Variants in ERI3 observed in about 807,000 individuals in gnomAD.
ERI3 encodes the protein ERI1 exoribonuclease 3.
Under a neutral mutation model 44.4 loss-of-function variants are expected in ERI3, and 18 were observed. The ratio of observed to expected loss-of-function variants is 0.41; its 90% CI spans 0.28 to 0.60. ERI3 has a LOEUF of 0.60. ERI3 is among the 20% of genes least tolerant of loss of function. ERI3 has a pLI of 0.36. For synonymous variants in ERI3, 183 were observed against 164.8 expected, an observed-to-expected ratio of 1.11 and a Z score of -0.84; for missense variants, 294 against 435.5, an observed-to-expected ratio of 0.68 and a Z score of 2.89.
intron 3 of ERI3, among the ~76,000 whole-genome samples, chr1:44,338,718 T>C (rs1033753960): frequency 6.6e-6 from 1 of 152,042 alleles, no homozygotes; most frequent in Non-Finnish European, 1.5e-5. Flanking sequence ...CCAGCTACTA[T>C]AGCACTCCTT....
intron 6 of ERI3, among the ~76,000 whole-genome samples, chr1:44,300,086 A>AT (rs986149030): frequency 6.6e-6 from 1 of 152,184 alleles, no homozygotes; most frequent in Non-Finnish European, 1.5e-5. Context: ...GGAGAGCCTC[A>AT]TATCAAATCC....
At position 44,221,427 on chromosome 1, in the gene ERI3, C is replaced by A; in HGVS notation, c.*131G>T. On this transcript the variant is annotated 3_prime_UTR_variant, in exon 9 of 9. Transcript: ENST00000372257. This position sits in a 1 kb window ranked among gnomAD's most constrained non-coding sequence, Gnocchi z 5.9. ...ACAAGCCCACGCCAAGGGCATGAGC[C>A]CACAGGGCAGCTGGGGACACTCTGG... 2.6e-6 allele frequency: 2 copies of A among 763,918 alleles called. No homozygotes were observed. Among genetic ancestry groups the A allele is most frequent in the South Asian group, 3.5e-5 (2 of 57,468 alleles). 47.3% of individuals were successfully genotyped at this position (763,918 alleles called of 1,614,324 possible). A position where few individuals can be genotyped will look rare whatever the true frequency, so the allele number is the denominator to read the frequency against.
intron 6 of ERI3, among the ~76,000 whole-genome samples, chr1:44,307,236 T>C (rs1250912208): frequency 2.0e-5 from 3 of 152,074 alleles, no homozygotes; most frequent in Admixed American, 6.5e-5. Context: ...TGGGGTCCAA[T>C]AGCAGGCTTG....
chr1:44,330,601 C>T (rs573266822), intron 3 of ERI3, among the ~76,000 whole-genome samples: 1 of 152,230 alleles, frequency 6.6e-6, no homozygotes, highest in Non-Finnish European at 1.5e-5. Flanking sequence ...TCTGCCTGTG[C>T]CAGCCTGTTC....
At chr1:44,223,730 G>A (rs1643962300) in intron 8 of ERI3, among the ~76,000 whole-genome samples, 1 of 152,164 alleles carries the variant, frequency 6.6e-6, no homozygotes, top group South Asian at 2.1e-4. Context: ...CAGCCATCCA[G>A]TGGGCAAGCA....
intron 7 of ERI3, among the ~76,000 whole-genome samples, chr1:44,250,632 C>G (rs1247822450): frequency 6.6e-6 from 1 of 152,164 alleles, no homozygotes; most frequent in Non-Finnish European, 1.5e-5. Context: ...GGCGTCTCCA[C>G]TGCGGCCGTG....
At chr1:44,323,042 T>C in intron 3 of ERI3, 1 of 877,492 alleles carries the variant, frequency 1.1e-6, no homozygotes, top group Non-Finnish European at 1.6e-6. Flanking sequence ...TCAGCCAATT[T>C]CATCATTCCC....
chr1:44,355,008 C>A lies in ERI3; in HGVS notation c.19G>T (p.Ala7Ser). ...GGCCGCCCCCGCCCCCCGTCAGCAGCGGGAGAGGCTGTCGCCATGGCAACG... is the reference window on the plus strand; with the variant it reads ...GGCCGCCCCCGCCCCCCGTCAGCAGAGGGAGAGGCTGTCGCCATGGCAACG... MATASP[A>S]ADGGRGRPWE... is the part of the protein sequence containing the mutation. Residue 7 changes from alanine (A) to serine (S), a missense_variant, in exon 1 of 9, where the codon GCT becomes TCT. Coordinates refer to ENST00000372257, the MANE Select transcript of ERI3 (RefSeq NM_024066.3). 1 of 1,386,998 alleles carries A rather than the reference C, an allele frequency of 7.2e-7. No individual in the cohort carries two copies. Among genetic ancestry groups the A allele is most frequent in the Non-Finnish European group, 9.4e-7 (1 of 1,065,496 alleles). 85.9% of individuals were successfully genotyped at this position (1,386,998 alleles called of 1,614,324 possible). A position where few individuals can be genotyped will look rare whatever the true frequency, so the allele number is the denominator to read the frequency against.
At chr1:44,353,305 G>A (rs1464203765) in intron 1 of ERI3, 1 of 985,378 alleles carries the variant, frequency 1.0e-6, no homozygotes, top group Non-Finnish European at 1.2e-6. Context: ...GGTAGGGGTT[G>A]GTTGCCACAA....
chr1:44,355,267 C>T, upstream of ERI3: 1 of 1,150,220 alleles, frequency 8.7e-7, no homozygotes, highest in Non-Finnish European at 1.1e-6. Flanking sequence ...CACCTCCGCG[C>T]ACTCTGACCC....
chr1:44,315,404 T>G (rs2154328626), intron 4 of ERI3, among the ~76,000 whole-genome samples: 1 of 152,310 alleles, frequency 6.6e-6, no homozygotes, highest in South Asian at 2.1e-4. Context: ...GGAAAATCAC[T>G]GATGTGGGGC....
intron 7 of ERI3, among the ~76,000 whole-genome samples, chr1:44,248,626 A>G (rs1291942082): frequency 6.6e-6 from 1 of 151,894 alleles, no homozygotes. Context: ...GGAGAGGAGT[A>G]AGGTCACTTG....
Position 44,339,313 on chromosome 1 carries a change from G to A in ERI3, c.221C>T (p.Ala74Val), listed in dbSNP as rs1414755671. The change falls in exon 3 of 9, where the codon GCT (alanine) becomes GTT (valine). Residue 74 changes from alanine to valine, a missense_variant. By Grantham distance (64) the Ala-to-Val change is moderately conservative. Around this residue, in one of 2 missense-constraint regions of ERI3, gnomAD observed 187 missense variants for 338.6 expected, o/e 0.55. Transcript: ENST00000372257. ...GIFEVRRVLD[A>V]SGCSMLAPLQ... ...AGGTGCTAGCATTGAACATCCAGAAGCATCTAAAACTTAGGGGAGGAAAGT... is the reference window on the plus strand; with the variant it reads ...AGGTGCTAGCATTGAACATCCAGAAACATCTAAAACTTAGGGGAGGAAAGT... 3.1e-6 allele frequency: 4 copies of A among 1,293,732 alleles called. No homozygotes were observed. Among genetic ancestry groups the A allele is most frequent in the South Asian group, 1.6e-5 (1 of 60,620 alleles). 80.1% of individuals were successfully genotyped at this position (1,293,732 alleles called of 1,614,324 possible).
At chr1:44,277,834 T>C (rs2528639) in intron 7 of ERI3, among the ~76,000 whole-genome samples, 4,193 of 152,282 alleles carry the variant, frequency 0.028, 86 homozygotes, top group African/African-American at 0.059. Flanking sequence ...GCCTTGGTTT[T>C]CTCAACCTTA....
chr1:44,278,810 C>T (rs1485449452), intron 7 of ERI3, among the ~76,000 whole-genome samples: 1 of 152,168 alleles, frequency 6.6e-6, no homozygotes. Context: ...GCCATGTTGG[C>T]CAGGCTGGTC....
At chr1:44,323,060 G>T in intron 3 of ERI3, 1 of 750,590 alleles carries the variant, frequency 1.3e-6, no homozygotes, top group Non-Finnish European at 1.9e-6. Flanking sequence ...CCCCTAGGAA[G>T]AGGTTTATTT....
At chr1:44,342,851 ATATATAT>A (rs1646705925) in intron 2 of ERI3, among the ~76,000 whole-genome samples, 1 of 32,862 alleles carries the variant, frequency 3.0e-5, no homozygotes, top group Non-Finnish European at 5.2e-5. Flanking sequence ...ATATATATAT[ATATATAT>A]TTTTTTTTTT....
intron 4 of ERI3, among the ~76,000 whole-genome samples, chr1:44,315,827 C>T (rs1019069033): frequency 5.3e-5 from 8 of 152,200 alleles, no homozygotes; most frequent in African/African-American, 1.7e-4. Flanking sequence ...TTCAGCTCTG[C>T]CAAGGCACTG....
At chr1:44,300,891 G>C (rs1172174505) in intron 6 of ERI3, among the ~76,000 whole-genome samples, 1 of 152,160 alleles carries the variant, frequency 6.6e-6, no homozygotes, top group Non-Finnish European at 1.5e-5. Context: ...AGCGTGGCAG[G>C]CTGCACTGCA....
Sources: allele counts gnomAD v4.1 joint callset (sites outside exome capture counted in the v4.1 genomes callset), GRCh38; gene constraint gnomAD v4.1.1; regional missense constraint gnomAD v4.1.1; non-coding constraint Gnocchi (gnomAD v3.1); transcripts MANE v1.5; gene names NCBI Gene and HGNC (gene_info 2026-07-23, HGNC 2026-07-21).